The following GNAO1 variants were observed in gnomAD, a reference collection of about 807,000 sequenced individuals.
GNAO1 encodes the protein guanine nucleotide-binding protein G(o) subunit alpha.
For missense variants in GNAO1, 166 were observed against 478.7 expected, an observed-to-expected ratio of 0.35 and a Z score of 6.10; for synonymous variants, 164 against 180.7, an observed-to-expected ratio of 0.91 and a Z score of 0.74.
At position 56,198,579 on chromosome 16, in the gene GNAO1, C is replaced by T. The variant is rs552347241; in HGVS notation, c.161+5963C>T. On this transcript the variant is annotated intron_variant, in intron 2 of 8. Transcript: ENST00000262493. ...ATGTGACCTTACACAAGGCCCATAA[C>T]ATTTGGTGCCTCAGTTTCCTTACCT... Among the ~76,000 whole-genome samples the T allele has an allele frequency of 2.0e-5, 3 of 152,310 alleles. No homozygotes were observed. In the East Asian group the frequency reaches 5.8e-4, roughly 29 times the overall value.
chr16:56,266,176 G>A (rs761435809), intron 2 of GNAO1, among the ~76,000 whole-genome samples: 1 of 152,158 alleles, frequency 6.6e-6, no homozygotes, highest in Non-Finnish European at 1.5e-5. Flanking sequence ...TGAAGGCAGG[G>A]CCTCTGTCTG....
chr16:56,348,301 G>A, intron 6 of GNAO1: 1 of 464,336 alleles, frequency 2.2e-6, no homozygotes, highest in Non-Finnish European at 2.8e-6. Context: ...CAGGACTGCT[G>A]GCAGCCTGGC....
At chr16:56,218,469 A>G (rs1236223278) in intron 2 of GNAO1, among the ~76,000 whole-genome samples, 1 of 152,152 alleles carries the variant, frequency 6.6e-6, no homozygotes. Flanking sequence ...GGCAGATAAA[A>G]TGAGAGATGA....
At chr16:56,222,891 G>T (rs1352307003) in intron 2 of GNAO1, among the ~76,000 whole-genome samples, 1 of 152,106 alleles carries the variant, frequency 6.6e-6, no homozygotes, top group African/African-American at 2.4e-5. Context: ...CAGGCATGGT[G>T]CCTGATATCA....
intron 3 of GNAO1, among the ~76,000 whole-genome samples, chr16:56,306,050 G>A (rs1402644193): frequency 5.9e-5 from 9 of 152,212 alleles, no homozygotes; most frequent in Non-Finnish European, 8.8e-5. Context: ...CTTCCCTGCC[G>A]TCCTCTGAGA....
At chr16:56,344,268 C>T (rs2037840618) in intron 6 of GNAO1, 1 of 1,270,002 alleles carries the variant, frequency 7.9e-7, no homozygotes, top group African/African-American at 1.5e-5. Flanking sequence ...ACACCCTGCA[C>T]CTGATGACTC....
intron 2 of GNAO1, among the ~76,000 whole-genome samples, chr16:56,247,220 C>G (rs1044930673): frequency 6.6e-6 from 1 of 152,248 alleles, no homozygotes; most frequent in Non-Finnish European, 1.5e-5. Flanking sequence ...CTGCGCTAGC[C>G]TGTGCCCTGT....
intron 2 of GNAO1, among the ~76,000 whole-genome samples, chr16:56,203,645 T>C (rs554303687): frequency 8.5e-5 from 13 of 152,312 alleles, no homozygotes; most frequent in African/African-American, 3.1e-4. Flanking sequence ...AAGCAGGTTC[T>C]ATGGAGCTGA....
chr16:56,265,161 G>A (rs554054301), intron 2 of GNAO1, among the ~76,000 whole-genome samples: 9 of 152,344 alleles, frequency 5.9e-5, no homozygotes, highest in Admixed American at 2.6e-4. Context: ...GCTCTCATTC[G>A]TGAGCAGCCC....
At chr16:56,195,092 TTC>T (rs748640256) in intron 2 of GNAO1, among the ~76,000 whole-genome samples, 1,004 of 30,662 alleles carry the variant, frequency 0.033, 13 homozygotes, top group East Asian at 0.058. Flanking sequence ...TTTTTTTTTT[TTC>T]CAACCTTACA....
chr16:56,330,879 G>A lies in GNAO1; in HGVS notation c.464+2088G>A, dbSNP rs149187949. On this transcript the variant is annotated intron_variant, in intron 4 of 8. Transcript: ENST00000262493. ...CAAATTTTCCACTTCCCAGGTTGAT[G>A]ATGTTACCATTCTCTTCTGTCACTG... is the stretch of plus-strand genomic sequence containing the variant. 1.9e-3 allele frequency among the ~76,000 whole-genome samples: 286 copies of A among 152,352 alleles called. 2 individuals are homozygous for A. The highest frequency in any genetic ancestry group is 6.4e-3 in the African/African-American group (268 of 41,590).
chr16:56,300,066 TGTGA>T (rs1229327999), intron 3 of GNAO1, among the ~76,000 whole-genome samples: 4 of 83,520 alleles, frequency 4.8e-5, no homozygotes, highest in Non-Finnish European at 6.8e-5. Context: ...CACATGTGCT[TGTGA>T]GTGTGTCTGT....
intron 3 of GNAO1, among the ~76,000 whole-genome samples, chr16:56,305,362 AAAG>A (rs2143593604): frequency 1.3e-5 from 2 of 152,368 alleles, no homozygotes; most frequent in South Asian, 4.1e-4. Flanking sequence ...CTGTTAAAGA[AAAG>A]AAAATCATGT....
intron 2 of GNAO1, among the ~76,000 whole-genome samples, chr16:56,230,752 C>T (rs184460442): frequency 1.3e-5 from 2 of 152,304 alleles, no homozygotes; most frequent in African/African-American, 2.4e-5. Context: ...AAGGTTTCTT[C>T]ATTCTTTGTG....
intron 3 of GNAO1, among the ~76,000 whole-genome samples, chr16:56,289,032 AAG>A (rs1491355749): frequency 3.4e-4 from 47 of 136,626 alleles, no homozygotes; most frequent in African/African-American, 1.1e-3. Flanking sequence ...GTATCCAAAA[AAG>A]GGGGGGGGAG....
intron 3 of GNAO1, among the ~76,000 whole-genome samples, chr16:56,299,466 G>C (rs1596850416): frequency 6.6e-6 from 1 of 152,370 alleles, no homozygotes; most frequent in East Asian, 1.9e-4. Flanking sequence ...GACTGCCAAG[G>C]CTTCACTGTG....
chr16:56,290,811 C>T (rs1221895553), intron 3 of GNAO1, among the ~76,000 whole-genome samples: 1 of 152,172 alleles, frequency 6.6e-6, no homozygotes, highest in Non-Finnish European at 1.5e-5. Flanking sequence ...TACCCCTCTG[C>T]CTGCAGCCCC....
intron 3 of GNAO1, among the ~76,000 whole-genome samples, chr16:56,283,389 G>A (rs1166434906): frequency 6.6e-6 from 1 of 152,204 alleles, no homozygotes; most frequent in Non-Finnish European, 1.5e-5. Context: ...CTTCACTGGA[G>A]CTGTATCCCC....
At chr16:56,192,478 G>A (rs1428969161) in intron 1 of GNAO1, 96 bp from the exon 2 acceptor site, 1 of 828,686 alleles carries the variant, frequency 1.2e-6, no homozygotes. Flanking sequence ...CATGTGCCCA[G>A]GATCGCCCAC....
Sources: gnomAD v4.1 joint callset for allele counts (sites outside exome capture counted in the v4.1 genomes callset) on GRCh38, gnomAD v4.1.1 for gene constraint, MANE v1.5 for transcripts, NCBI Gene and HGNC (gene_info 2026-07-23, HGNC 2026-07-21) for gene names.